Variants in NCF4 observed in about 807,000 individuals in gnomAD.
NCF4 encodes the protein neutrophil cytosolic factor 4, also known as neutrophil cytosol factor 4.
A neutral mutation model predicts 41.7 loss-of-function variants in NCF4; 30 were observed. The ratio of observed to expected loss-of-function variants is 0.72; its 90% CI spans 0.54 to 0.97. The LOEUF (loss-of-function observed/expected upper bound fraction) is 0.97, where lower values mean the gene tolerates loss of function less well. NCF4 is among the 50% of genes least tolerant of loss of function. NCF4 has a pLI of 0.00. For missense variants in NCF4, 432 were observed against 460.9 expected (o/e 0.94, Z 0.57); for synonymous variants, 195 against 175.8 (o/e 1.11, Z -0.87).
intron 1 of NCF4, among the ~76,000 whole-genome samples, chr22:36,862,693 C>T (rs753617523): frequency 4.6e-5 from 7 of 152,174 alleles, no homozygotes; most frequent in South Asian, 2.1e-4. Context: ...TATCTGAAAG[C>T]GAGCCTGGAT....
chr22:36,875,718 TG>T lies in NCF4; in HGVS notation c.694del (p.Glu232ArgfsTer36), dbSNP rs1940176254. 6.2e-7 allele frequency: 1 copy of T among 1,613,736 alleles called. No homozygotes were observed. The highest frequency in any genetic ancestry group is 1.3e-5 in the African/African-American group (1 of 74,932). ...TCGTGAAGATCCTCAAAGACTTCCCTGAGGAGGACGACCCCACCAACTGGCT... is the reference window on the plus strand; with the variant it reads ...TCGTGAAGATCCTCAAAGACTTCCCTAGGAGGACGACCCCACCAACTGGCT... ...SFVKILKDFP[E>X]EDDPTNWLRC... On this transcript the variant is annotated frameshift_variant, in exon 8 of 10. Transcript: ENST00000248899. LOFTEE classifies it high-confidence loss of function.
chr22:36,867,869 G>A (rs986517364), intron 4 of NCF4, among the ~76,000 whole-genome samples: 2 of 152,194 alleles, frequency 1.3e-5, no homozygotes, highest in Non-Finnish European at 2.9e-5. Flanking sequence ...CATCATGGGG[G>A]TGTGGCCAAG....
At chr22:36,872,127 A>G in intron 6 of NCF4, 200 bp from the exon 7 acceptor site, 2 of 713,452 alleles carry the variant, frequency 2.8e-6, no homozygotes, top group South Asian at 3.0e-5. Flanking sequence ...TGGAAGGAGC[A>G]CCCATCCTGG....
intron 4 of NCF4, 164 bp from the exon 5 acceptor site, chr22:36,870,251 C>A: frequency 9.9e-7 from 1 of 1,007,550 alleles, no homozygotes; most frequent in South Asian, 1.4e-5. Flanking sequence ...CTTCAGCATG[C>A]TGAGTTTTCT....
intron 4 of NCF4, chr22:36,870,040 C>T: frequency 2.8e-6 from 1 of 351,222 alleles, no homozygotes; most frequent in Non-Finnish European, 5.6e-6. Flanking sequence ...CCTCTCTGAT[C>T]CTAACTCAAG....
chr22:36,875,002 G>A (rs1460246074), intron 7 of NCF4, among the ~76,000 whole-genome samples: 2 of 152,160 alleles, frequency 1.3e-5, no homozygotes, highest in Admixed American at 6.5e-5. Flanking sequence ...GAAACTCCGT[G>A]GGGGCAAGGA....
chr22:36,868,190 A>G (rs1284209496), intron 4 of NCF4, among the ~76,000 whole-genome samples: 1 of 152,154 alleles, frequency 6.6e-6, no homozygotes, highest in African/African-American at 2.4e-5. Flanking sequence ...CCTGATAGTG[A>G]CCTCAGGAAG....
At position 36,865,243 on chromosome 22, in the gene NCF4, C is replaced by T. The variant is rs1036129795; in HGVS notation, c.271+171C>T. 1.6e-4 allele frequency among the ~76,000 whole-genome samples: 24 copies of T among 152,178 alleles called. No homozygotes were observed. Among genetic ancestry groups the T allele is most frequent in the Non-Finnish European group, 1.9e-4 (13 of 67,972 alleles). On this transcript the variant is annotated intron_variant, in intron 3 of 9. Coordinates refer to ENST00000248899, the MANE Select transcript of NCF4 (RefSeq NM_000631.5). The surrounding 1 kb of genome is among the most constrained non-coding windows in gnomAD (Gnocchi z 4.3). The stretch of plus-strand genomic sequence containing the variant: ...GCCAAGCCCTCCCTGCATGGCTCCC[C>T]CTGCCTCACGCCATGGCTTCCACCC...
At position 36,865,089 on chromosome 22, in the gene NCF4, G is replaced by A. The variant is rs371236295; in HGVS notation, c.271+17G>A. On this transcript the variant is annotated intron_variant, in intron 3 of 9. Coordinates refer to ENST00000248899, the MANE Select transcript of NCF4 (RefSeq NM_000631.5). This position sits in a 1 kb window ranked among gnomAD's most constrained non-coding sequence, Gnocchi z 4.3. The stretch of plus-strand genomic sequence containing the variant: ...CACTCCCAGGTAGGCGGCCACTCCC[G>A]TCCTGCTGCTGCAGAGCTGCTGACT... The A allele has an allele frequency of 1.8e-4, 291 of 1,606,460 alleles. No individual in the cohort carries two copies. The highest frequency in any genetic ancestry group is 6.1e-4 in the African/African-American group (46 of 74,942).
chr22:36,865,803 T>C lies in NCF4; in HGVS notation c.271+731T>C, dbSNP rs1182967933. Reference sequence around the variant, plus strand: ...GACCCTTCCCCAAGCTCCAACCCCATCTCCAGTTTGTTTTTTCTGTCTCTG... The same window carrying C: ...GACCCTTCCCCAAGCTCCAACCCCACCTCCAGTTTGTTTTTTCTGTCTCTG... On this transcript the variant is annotated intron_variant, in intron 3 of 9. Transcript: ENST00000248899. This position sits in a 1 kb window ranked among gnomAD's most constrained non-coding sequence, Gnocchi z 4.3. Among the ~76,000 whole-genome samples, 2 of 151,988 alleles carry C rather than the reference T, an allele frequency of 1.3e-5. No homozygotes were observed. Among genetic ancestry groups the C allele is most frequent in the Non-Finnish European group, 2.9e-5 (2 of 67,986 alleles).
intron 4 of NCF4, among the ~76,000 whole-genome samples, chr22:36,867,897 A>G (rs925176145): frequency 4.6e-5 from 7 of 152,236 alleles, no homozygotes; most frequent in African/African-American, 1.4e-4. Context: ...CAGGTTGCTC[A>G]TATAGCATCT....
chr22:36,868,452 G>T (rs1939978555), intron 4 of NCF4, among the ~76,000 whole-genome samples: 2 of 152,260 alleles, frequency 1.3e-5, no homozygotes. Context: ...CTTCCAGAAT[G>T]TGAGAGATCT....
At chr22:36,871,571 G>A in intron 5 of NCF4, 81 bp from the exon 6 acceptor site, 1 of 1,456,924 alleles carries the variant, frequency 6.9e-7, no homozygotes, top group South Asian at 1.2e-5. Flanking sequence ...CTCCTTGCAA[G>A]GGGCTCCTCT....
At chr22:36,873,032 TTGGAGGTGAGGA>T (rs1488796097) in intron 7 of NCF4, among the ~76,000 whole-genome samples, 1 of 64,480 alleles carries the variant, frequency 1.6e-5, no homozygotes, top group East Asian at 4.7e-4. Context: ...GGAGGTGAGA[TTGGAGGTGAGGA>T]TGGAGGTGAG....
At chr22:36,863,942 G>A (rs1436258845) in intron 1 of NCF4, 103 bp from the exon 2 acceptor site, 6 of 1,094,838 alleles carry the variant, frequency 5.5e-6, no homozygotes, top group Admixed American at 1.7e-5. Flanking sequence ...GACGAATGTT[G>A]GCTTCACAAC....
At chr22:36,867,712 T>C (rs935303033) in intron 4 of NCF4, among the ~76,000 whole-genome samples, 4 of 152,226 alleles carry the variant, frequency 2.6e-5, no homozygotes, top group Non-Finnish European at 5.9e-5. Context: ...CTTCATTTAA[T>C]GCTCCAAGCC....
chr22:36,869,751 T>C (rs1380666013), intron 4 of NCF4, among the ~76,000 whole-genome samples: 2 of 152,160 alleles, frequency 1.3e-5, no homozygotes, highest in Non-Finnish European at 2.9e-5. Context: ...ACACTAGGGC[T>C]CAAGTCCGGG....
In NCF4 at chr22:36,872,395, C is replaced by T. The variant is rs752404521; in HGVS notation, c.597C>T (p.Leu199=). The T allele has an allele frequency of 1.2e-5, 19 of 1,613,236 alleles. No homozygotes were observed. The South Asian group carries it at 2.1e-4, about 18-fold the overall frequency. ...LNFKAGDVIF[L]LSRINKDWLE... is the part of the protein sequence containing the mutation. ...TCAAAGCTGGAGATGTGATCTTCCTCCTCAGTCGGATCAACAAAGACTGGC... is the reference window on the plus strand; with the variant it reads ...TCAAAGCTGGAGATGTGATCTTCCTTCTCAGTCGGATCAACAAAGACTGGC... Residue 199 remains leucine, a synonymous_variant, in exon 7 of 10, where the codon CTC becomes CTT. Coordinates refer to ENST00000248899, the MANE Select transcript of NCF4 (RefSeq NM_000631.5).
intron 4 of NCF4, among the ~76,000 whole-genome samples, chr22:36,868,928 G>C (rs1030660956): frequency 6.6e-6 from 1 of 152,164 alleles, no homozygotes; most frequent in Admixed American, 6.5e-5. Flanking sequence ...TTGTTGGGCA[G>C]CTATGAGAAA....
Sources: gnomAD v4.1 joint callset for allele counts (sites outside exome capture counted in the v4.1 genomes callset) on GRCh38, gnomAD v4.1.1 for gene constraint, Gnocchi (gnomAD v3.1) non-coding constraint, MANE v1.5 for transcripts, NCBI Gene and HGNC (gene_info 2026-07-23, HGNC 2026-07-21) for gene names.